Variants in AGBL1 observed in about 807,000 individuals in gnomAD.
The protein encoded by AGBL1 is cytosolic carboxypeptidase 4.
In AGBL1, 130 loss-of-function variants were observed where a neutral mutation model predicts 118.9. The observed-to-expected ratio is 1.09, with a 90% CI of 0.95 to 1.26. AGBL1 has a LOEUF of 1.26. Ranked by LOEUF, AGBL1 falls within the 50% of genes most tolerant of loss-of-function variation. The pLI, the probability that AGBL1 is intolerant of heterozygous loss-of-function variation, is 0.00. For missense variants in AGBL1, 1,584 were observed against 1,298.1 expected, an observed-to-expected ratio of 1.22 and a Z score of -3.38; for synonymous variants, 555 against 478.9, an observed-to-expected ratio of 1.16 and a Z score of -2.08.
intron 22 of AGBL1, among the ~76,000 whole-genome samples, chr15:86,723,841 G>A (rs2086775026): frequency 6.6e-6 from 1 of 152,116 alleles, no homozygotes; most frequent in African/African-American, 2.4e-5. Flanking sequence ...CAGGACCAAT[G>A]CAGTGGGCGT....
chr15:86,221,767 G>T (rs1411074525), intron 5 of AGBL1, among the ~76,000 whole-genome samples: 8 of 151,480 alleles, frequency 5.3e-5, no homozygotes, highest in Admixed American at 5.3e-4. Context: ...TTTTTTTTAA[G>T]GAAAGCACTT....
chr15:86,980,001 C>T (rs536594448), intron 23 of AGBL1, among the ~76,000 whole-genome samples: 1 of 152,270 alleles, frequency 6.6e-6, no homozygotes, highest in South Asian at 2.1e-4. Flanking sequence ...CTTCCTCTCC[C>T]CTAATGCCCT....
intron 24 of AGBL1, among the ~76,000 whole-genome samples, chr15:86,998,943 A>G (rs1403815531): frequency 6.6e-6 from 1 of 151,096 alleles, no homozygotes. Context: ...TACATGTGCC[A>G]TGTTGGTGTG....
chr15:86,234,100 G>A (rs1340882187), intron 6 of AGBL1, among the ~76,000 whole-genome samples: 1 of 152,118 alleles, frequency 6.6e-6, no homozygotes, highest in Non-Finnish European at 1.5e-5. Flanking sequence ...TCAAGACTTA[G>A]TTCTATCTCA....
rs114082145 is a variant in AGBL1, at chr15:86,968,563, C to T, written c.3222-19424C>T. The stretch of plus-strand genomic sequence containing the variant: ...TTGGAAGCAAAATGATCTTAGGCCC[C>T]GTGACTACACCATGTAACTAAATTT... On this transcript the variant is annotated intron_variant, in intron 23 of 24. Transcript: ENST00000441037. Among the ~76,000 whole-genome samples, 1,251 of 151,136 alleles carry T rather than the reference C, an allele frequency of 8.3e-3. 6 individuals are homozygous for T. Among genetic ancestry groups the T allele is most frequent in the African/African-American group, 0.019 (781 of 41,168 alleles).
intron 22 of AGBL1, among the ~76,000 whole-genome samples, chr15:86,853,466 C>G (rs756430965): frequency 7.2e-5 from 11 of 152,108 alleles, no homozygotes; most frequent in Non-Finnish European, 1.0e-4. Context: ...GAATATTATT[C>G]CAATTCTACA....
At chr15:86,080,111 C>A in intron 1 of AGBL1, 88 bp downstream of exon 1, 1 of 1,000,840 alleles carries the variant, frequency 1.0e-6, no homozygotes, top group Non-Finnish European at 1.3e-6. Context: ...ACAGTCCCCT[C>A]TGGCAGTCAC....
rs145824404 is a variant in AGBL1, at chr15:86,380,324, G to A, written c.2375-17042G>A. Among the ~76,000 whole-genome samples the A allele has an allele frequency of 6.2e-3, 820 of 131,636 alleles. 6 individuals are homozygous for A. The highest frequency in any genetic ancestry group is 0.021 in the African/African-American group (696 of 33,324). The allele number at this position is 131,636 out of a possible 152,430, so 86.4% of individuals were successfully genotyped here. ...TTTTGAGACAGAGTCCCACTGTGTC[G>A]CCCAGGCTGGAGGACAGTGGTGCAA... On this transcript the variant is annotated intron_variant, in intron 17 of 22. Coordinates refer to ENST00000614907, the MANE Select transcript of AGBL1 (RefSeq NM_001386094.1).
intron 6 of AGBL1, among the ~76,000 whole-genome samples, chr15:86,230,318 G>A (rs1285618920): frequency 3.9e-5 from 6 of 152,206 alleles, no homozygotes; most frequent in Admixed American, 3.9e-4. Context: ...ACTACAAAAT[G>A]TCAAAGAAGG....
chr15:86,643,104 C>A (rs897346795), intron 21 of AGBL1, among the ~76,000 whole-genome samples: 10 of 152,042 alleles, frequency 6.6e-5, no homozygotes, highest in African/African-American at 2.4e-4. Flanking sequence ...ATGGCTGCAG[C>A]AATTTCAGTC....
At position 86,823,380 on chromosome 15, in the gene AGBL1, T is replaced by G. The variant is rs370726693; in HGVS notation, c.3159-83707T>G. ...CAGTAGAAGTAACCCCCTCTCAATT[T>G]CTGCAGGACAACAGTCTGTCAGTGC... On this transcript the variant is annotated intron_variant, in intron 22 of 22. Coordinates refer to ENST00000614907, the MANE Select transcript of AGBL1 (RefSeq NM_001386094.1). Among the ~76,000 whole-genome samples, 66 of 152,276 alleles carry G rather than the reference T, an allele frequency of 4.3e-4. 2 individuals carry two copies. In the South Asian group the frequency reaches 0.012, roughly 29 times the overall value.
chr15:86,740,783 C>G (rs771488943), intron 22 of AGBL1, among the ~76,000 whole-genome samples: 1 of 152,070 alleles, frequency 6.6e-6, no homozygotes, highest in Non-Finnish European at 1.5e-5. Flanking sequence ...GTAAGGTATC[C>G]CAAGTAAAAA....
intron 23 of AGBL1, among the ~76,000 whole-genome samples, chr15:86,974,617 A>G (rs1055548579): frequency 1.4e-5 from 2 of 143,670 alleles, no homozygotes; most frequent in African/African-American, 2.6e-5. Context: ...TATAAATTAT[A>G]TATATTTATA....
chr15:86,837,093 T>C (rs2141428166), intron 22 of AGBL1, among the ~76,000 whole-genome samples: 1 of 152,058 alleles, frequency 6.6e-6, no homozygotes, highest in Non-Finnish European at 1.5e-5. Context: ...GATGAGTGAG[T>C]AAATGAATGA....
intron 24 of AGBL1, among the ~76,000 whole-genome samples, chr15:87,017,490 T>C (rs1390123388): frequency 6.6e-6 from 1 of 151,974 alleles, no homozygotes; most frequent in African/African-American, 2.4e-5. Flanking sequence ...TCAAGGTACA[T>C]GAAAAACCAA....
intron 22 of AGBL1, among the ~76,000 whole-genome samples, chr15:86,716,864 A>T (rs2086646766): frequency 6.6e-6 from 1 of 152,140 alleles, no homozygotes; most frequent in Non-Finnish European, 1.5e-5. Flanking sequence ...TCTAGGGTTG[A>T]CTCTAAGGGC....
chr15:86,808,655 TTTC>T (rs2078749665), intron 22 of AGBL1, among the ~76,000 whole-genome samples: 2 of 148,404 alleles, frequency 1.3e-5, no homozygotes, highest in Non-Finnish European at 3.0e-5. Flanking sequence ...CTTCCTTCCC[TTTC>T]TTTCCTCCTT....
At chr15:86,242,355 G>A (rs542171254) in intron 6 of AGBL1, among the ~76,000 whole-genome samples, 1 of 152,236 alleles carries the variant, frequency 6.6e-6, no homozygotes, top group East Asian at 1.9e-4. Flanking sequence ...ACCAGGCATC[G>A]AGCCATCTAC....
At chr15:86,090,693 A>G (rs1023200069) in intron 1 of AGBL1, among the ~76,000 whole-genome samples, 4 of 152,298 alleles carry the variant, frequency 2.6e-5, no homozygotes, top group East Asian at 3.9e-4. Context: ...TTTTGATATT[A>G]TATATGTCAC....
Sources: allele counts gnomAD v4.1 joint callset (sites outside exome capture counted in the v4.1 genomes callset), GRCh38; gene constraint gnomAD v4.1.1; transcripts MANE v1.5; gene names NCBI Gene and HGNC (gene_info 2026-07-23, HGNC 2026-07-21).